CTNNA3: variants seen among roughly 807,000 people sequenced by gnomAD.
CTNNA3 encodes catenin alpha 3.
A neutral mutation model predicts 95.7 loss-of-function variants in CTNNA3; 76 were observed. The ratio of observed to expected loss-of-function variants is 0.79; its 90% CI spans 0.66 to 0.96. The LOEUF is 0.96. CTNNA3 is among the 40% of genes least tolerant of loss of function. The pLI is 0.00. For missense variants in CTNNA3, 1,191 were observed against 1,089.8 expected, an observed-to-expected ratio of 1.09 and a Z score of -1.31; for synonymous variants, 431 against 374.4, an observed-to-expected ratio of 1.15 and a Z score of -1.74.
intron 11 of CTNNA3, among the ~76,000 whole-genome samples, chr10:66,411,129 G>A (rs965824525): frequency 1.3e-5 from 2 of 152,168 alleles, no homozygotes; most frequent in Non-Finnish European, 2.9e-5. Flanking sequence ...AATTAAGAAA[G>A]ACATGTTAAT....
At chr10:65,926,181 A>T (rs1309511452) in intron 17 of CTNNA3, among the ~76,000 whole-genome samples, 1 of 151,478 alleles carries the variant, frequency 6.6e-6, no homozygotes, top group African/African-American at 2.4e-5. Flanking sequence ...ATTATTTCTC[A>T]TTCTTGAATG....
chr10:67,087,803 T>C (rs1857392858), intron 7 of CTNNA3, among the ~76,000 whole-genome samples: 2 of 152,082 alleles, frequency 1.3e-5, no homozygotes, highest in African/African-American at 4.8e-5. Flanking sequence ...TTGTGATTTC[T>C]TCTCAGACTA....
intron 9 of CTNNA3, among the ~76,000 whole-genome samples, chr10:66,629,610 G>C (rs922115593): frequency 2.0e-5 from 3 of 151,974 alleles, no homozygotes; most frequent in African/African-American, 4.8e-5. Flanking sequence ...AATTTTTTCA[G>C]ATGCAAATTT....
intron 3 of CTNNA3, among the ~76,000 whole-genome samples, chr10:67,554,059 T>G (rs1398405880): frequency 6.6e-6 from 1 of 151,736 alleles, no homozygotes; most frequent in Non-Finnish European, 1.5e-5. Context: ...GGTTTCCAGC[T>G]TCATCCATGT....
At chr10:67,216,976 CCAGTATAGTGT>C (rs1864397016) in intron 6 of CTNNA3, among the ~76,000 whole-genome samples, 1 of 152,156 alleles carries the variant, frequency 6.6e-6, no homozygotes, top group Admixed American at 6.5e-5. Context: ...ATTGATTTAG[CCAGTATAGTGT>C]TCCAATTCAA....
intron 5 of CTNNA3, among the ~76,000 whole-genome samples, chr10:67,246,557 C>G (rs570514562): frequency 2.0e-5 from 3 of 152,094 alleles, no homozygotes; most frequent in Non-Finnish European, 2.9e-5. Flanking sequence ...TATGACTAAA[C>G]ATATCACAGC....
At chr10:67,476,244 C>T (rs543103312) in intron 5 of CTNNA3, among the ~76,000 whole-genome samples, 46 of 152,218 alleles carry the variant, frequency 3.0e-4, no homozygotes, top group Admixed American at 1.0e-3. Flanking sequence ...GCGCAGAAAC[C>T]GTGGTACTGC....
intron 5 of CTNNA3, among the ~76,000 whole-genome samples, chr10:67,354,964 T>C (rs1241710116): frequency 1.3e-5 from 2 of 151,944 alleles, no homozygotes; most frequent in Non-Finnish European, 2.9e-5. Context: ...TGCAAGACCA[T>C]GAAAATTCTA....
chr10:66,672,681 T>C (rs1047593771), intron 9 of CTNNA3, among the ~76,000 whole-genome samples: 1 of 152,116 alleles, frequency 6.6e-6, no homozygotes, highest in Admixed American at 6.6e-5. Flanking sequence ...ACCTCTTTAC[T>C]TCCACATACC....
chr10:66,254,547 T>C (rs2090685962), intron 13 of CTNNA3, among the ~76,000 whole-genome samples: 1 of 152,200 alleles, frequency 6.6e-6, no homozygotes, highest in African/African-American at 2.4e-5. Context: ...TGTACTCTTC[T>C]GCAGCATGCT....
chr10:67,131,804 G>A (rs1402441017), intron 7 of CTNNA3, among the ~76,000 whole-genome samples: 1 of 152,068 alleles, frequency 6.6e-6, no homozygotes, highest in Non-Finnish European at 1.5e-5. Flanking sequence ...GTGTGGCTGG[G>A]ACCCAGGTTA....
At chr10:66,919,906 A>G (rs7903000) in intron 7 of CTNNA3, among the ~76,000 whole-genome samples, 62,897 of 152,094 alleles carry the variant, frequency 0.41, 13,386 homozygotes, top group Non-Finnish European at 0.47. Context: ...CACAAACATT[A>G]AACTCTTTAC....
chr10:66,447,984 A>G (rs2093435448), intron 11 of CTNNA3, among the ~76,000 whole-genome samples: 1 of 152,188 alleles, frequency 6.6e-6, no homozygotes, highest in Non-Finnish European at 1.5e-5. Context: ...TTACAAGAGA[A>G]AAACAAACAA....
chr10:67,666,848 A>C (rs892774543), intron 1 of CTNNA3, among the ~76,000 whole-genome samples: 2 of 152,158 alleles, frequency 1.3e-5, no homozygotes, highest in Admixed American at 1.3e-4. Context: ...TATCTGCTCC[A>C]ACAGCTGCAT....
chr10:66,612,686 G>A (rs560009164), intron 10 of CTNNA3, among the ~76,000 whole-genome samples: 11 of 152,192 alleles, frequency 7.2e-5, no homozygotes, highest in Admixed American at 5.9e-4. Context: ...AAATCCAAGG[G>A]TGCCTCCTGT....
At chr10:65,997,485 C>T (rs1358628323) in intron 15 of CTNNA3, among the ~76,000 whole-genome samples, 1 of 152,042 alleles carries the variant, frequency 6.6e-6, no homozygotes, top group East Asian at 1.9e-4. Context: ...ATGATCTTAC[C>T]CCTCCCACCC....
chr10:67,672,414 T>G (rs998614599), intron 1 of CTNNA3, among the ~76,000 whole-genome samples: 5 of 152,224 alleles, frequency 3.3e-5, no homozygotes, highest in Non-Finnish European at 5.9e-5. Flanking sequence ...TTTTGGTGTT[T>G]TAGACATGAA....
intron 9 of CTNNA3, among the ~76,000 whole-genome samples, chr10:66,725,321 A>G (rs1282915915): frequency 6.6e-6 from 1 of 152,120 alleles, no homozygotes; most frequent in African/African-American, 2.4e-5. Context: ...ATCTAGCACT[A>G]ATATGCTTTA....
At chr10:67,276,014 A>C (rs1839171403) in intron 5 of CTNNA3, among the ~76,000 whole-genome samples, 1 of 152,178 alleles carries the variant, frequency 6.6e-6, no homozygotes, top group South Asian at 2.1e-4. Flanking sequence ...ATCATATAAA[A>C]TGAACTGCAA....
Sources: allele counts gnomAD v4.1 joint callset (sites outside exome capture counted in the v4.1 genomes callset), GRCh38; gene constraint gnomAD v4.1.1; transcripts MANE v1.5; gene names NCBI Gene and HGNC (gene_info 2026-07-23, HGNC 2026-07-21).